The following RAPGEF6 variants were observed in gnomAD, a reference collection of about 807,000 sequenced individuals.
RAPGEF6 encodes the protein PDZ domain containing guanine nucleotide exchange factor (GEF) 2.
A neutral mutation model predicts 171.4 loss-of-function variants in RAPGEF6; 56 were observed. That is an observed-to-expected ratio of 0.33 (90% CI 0.26 to 0.41). The LOEUF (loss-of-function observed/expected upper bound fraction) is 0.41. Among genes scored for constraint, RAPGEF6 ranks in the 10% least tolerant of loss-of-function variants. The pLI, the probability that RAPGEF6 is intolerant of heterozygous loss-of-function variation, is 1.00. For missense variants in RAPGEF6, 1,674 were observed against 1,921.4 expected, an observed-to-expected ratio of 0.87 and a Z score of 2.41; for synonymous variants, 692 against 650.1, an observed-to-expected ratio of 1.06 and a Z score of -0.98.
chr5:131,524,600 G>A (rs1580967868), intron 6 of RAPGEF6, among the ~76,000 whole-genome samples: 2 of 69,250 alleles, frequency 2.9e-5, no homozygotes, highest in African/African-American at 9.7e-5. Context: ...GGAGGGGGGA[G>A]AGAGAGATTG....
chr5:131,532,198 C>T (rs1438855450), intron 6 of RAPGEF6: 1 of 432,890 alleles, frequency 2.3e-6, no homozygotes, highest in African/African-American at 2.1e-5. Flanking sequence ...ACCAGAGCTA[C>T]AGTGATGAGT....
chr5:131,451,590 T>C (rs1040948325), intron 21 of RAPGEF6, among the ~76,000 whole-genome samples: 4 of 151,738 alleles, frequency 2.6e-5, no homozygotes, highest in Non-Finnish European at 5.9e-5. Flanking sequence ...AGACCCTGTC[T>C]CAAAAACAAA....
At chr5:131,481,710 A>C (rs919178671) in intron 15 of RAPGEF6, among the ~76,000 whole-genome samples, 8 of 152,236 alleles carry the variant, frequency 5.3e-5, no homozygotes, top group African/African-American at 1.7e-4. Context: ...ATAAGGTTAA[A>C]TATCTAGAAA....
In RAPGEF6 at chr5:131,573,179, C is replaced by T. The variant is rs921041357; in HGVS notation, c.282-11132G>A. 5.9e-5 allele frequency among the ~76,000 whole-genome samples: 9 copies of T among 152,188 alleles called. No homozygotes were observed. The South Asian group carries it at 6.2e-4, about 11-fold the overall frequency. On this transcript the variant is annotated intron_variant, in intron 4 of 27. Coordinates refer to ENST00000509018, the MANE Select transcript of RAPGEF6 (RefSeq NM_016340.6). ...CAGGCTGAATCAGGTCCCAATTCTT[C>T]GGCAGCCTCTGCTCCCCCACTCTAT...
At chr5:131,519,098 T>C (rs1758298914) in intron 7 of RAPGEF6, among the ~76,000 whole-genome samples, 1 of 152,174 alleles carries the variant, frequency 6.6e-6, no homozygotes. Flanking sequence ...TACATATTGA[T>C]ATAGGCTATG....
Position 131,436,452 on chromosome 5 carries a change from T to C in RAPGEF6, c.3746-2794A>G, listed in dbSNP as rs574082712. 17 of 1,311,684 alleles carry C rather than the reference T, an allele frequency of 1.3e-5. No homozygotes were observed. In the South Asian group the frequency reaches 2.2e-4, roughly 17 times the overall value. The allele number at this position is 1,311,684 out of a possible 1,614,324, so 81.3% of individuals were successfully genotyped here. A position where few individuals can be genotyped will look rare whatever the true frequency, so the allele number is the denominator to read the frequency against. ...GCCTTGTTTACATAATATTTCACTATTTAAAAATTCTAACATCTTGATAAT... is the reference window on the plus strand; with the variant it reads ...GCCTTGTTTACATAATATTTCACTACTTAAAAATTCTAACATCTTGATAAT... On this transcript the variant is annotated intron_variant, in intron 24 of 27. Transcript: ENST00000509018.
At chr5:131,462,150 T>C (rs1467929067) in intron 18 of RAPGEF6, 62 bp from the exon 19 acceptor site, 3 of 1,227,436 alleles carry the variant, frequency 2.4e-6, no homozygotes, top group Non-Finnish European at 3.2e-6. Context: ...AGAGCACTTT[T>C]CCTTTTTGTC....
At chr5:131,528,137 T>C (rs557012816) in intron 6 of RAPGEF6, among the ~76,000 whole-genome samples, 2 of 53,086 alleles carry the variant, frequency 3.8e-5, no homozygotes, top group Non-Finnish European at 7.9e-5. Flanking sequence ...TATTATATAA[T>C]ATATACTATA....
chr5:131,529,876 C>CA (rs1485026228), intron 6 of RAPGEF6, among the ~76,000 whole-genome samples: 1 of 149,344 alleles, frequency 6.7e-6, no homozygotes, highest in Non-Finnish European at 1.5e-5. Context: ...CCAGCCTGGG[C>CA]AACAGAGCAG....
intron 24 of RAPGEF6, among the ~76,000 whole-genome samples, chr5:131,439,296 A>G (rs892913889): frequency 1.4e-4 from 21 of 152,206 alleles, no homozygotes; most frequent in Non-Finnish European, 2.6e-4. Flanking sequence ...GAATGATAAC[A>G]CCAAGAATTT....
In RAPGEF6 at chr5:131,594,689, G is replaced by A. The variant is rs375026305; in HGVS notation, c.198-2223C>T. Among the ~76,000 whole-genome samples the A allele has an allele frequency of 1.3e-4, 20 of 152,258 alleles. 1 individual carries two copies. The highest frequency in any genetic ancestry group is 9.6e-4 in the East Asian group (5 of 5,204). On this transcript the variant is annotated intron_variant, in intron 3 of 27. Coordinates refer to ENST00000509018, the MANE Select transcript of RAPGEF6 (RefSeq NM_016340.6). Reference sequence around the variant, plus strand: ...GGCTGTACCCTGCAGAGCCACAGGGGCAGAGCTGCTCAAGGCCTTGGGAGC... The same window carrying A: ...GGCTGTACCCTGCAGAGCCACAGGGACAGAGCTGCTCAAGGCCTTGGGAGC...
intron 4 of RAPGEF6, among the ~76,000 whole-genome samples, chr5:131,591,154 G>A (rs1441924090): frequency 6.6e-6 from 1 of 152,098 alleles, no homozygotes; most frequent in Non-Finnish European, 1.5e-5. Flanking sequence ...CCCATATCCT[G>A]ATATTTATGT....
intron 8 of RAPGEF6, 98 bp from the exon 9 acceptor site, chr5:131,508,305 T>C: frequency 8.3e-7 from 1 of 1,208,696 alleles, no homozygotes; most frequent in Non-Finnish European, 1.1e-6. Flanking sequence ...CACAATCAAC[T>C]TATAAATTTA....
At chr5:131,563,370 T>C (rs1761727131) in intron 4 of RAPGEF6, among the ~76,000 whole-genome samples, 2 of 152,224 alleles carry the variant, frequency 1.3e-5, no homozygotes, top group South Asian at 2.1e-4. Flanking sequence ...AACATAGCTA[T>C]ACTTTTATGG....
intron 1 of RAPGEF6, among the ~76,000 whole-genome samples, chr5:131,615,097 C>T (rs909232554): frequency 6.6e-6 from 1 of 152,198 alleles, no homozygotes; most frequent in Non-Finnish European, 1.5e-5. Flanking sequence ...TTCTTCTGCA[C>T]ACTAAAGTTT....
At chr5:131,504,073 G>A (rs1158484681) in intron 11 of RAPGEF6, among the ~76,000 whole-genome samples, 1 of 152,110 alleles carries the variant, frequency 6.6e-6, no homozygotes, top group Non-Finnish European at 1.5e-5. Context: ...TATTAAGTTT[G>A]AAAAGGAAAA....
At chr5:131,582,694 C>G (rs1339911176) in intron 4 of RAPGEF6, among the ~76,000 whole-genome samples, 1 of 152,094 alleles carries the variant, frequency 6.6e-6, no homozygotes, top group Non-Finnish European at 1.5e-5. Context: ...AATTATATCC[C>G]TGTTAAAGGA....
At chr5:131,618,573 G>A (rs1249749024) in intron 1 of RAPGEF6, among the ~76,000 whole-genome samples, 2 of 152,062 alleles carry the variant, frequency 1.3e-5, no homozygotes, top group Admixed American at 6.5e-5. Context: ...GGGAGGCAGA[G>A]GCTGCAGTGA....
At chr5:131,594,826 T>C (rs1436083329) in intron 3 of RAPGEF6, among the ~76,000 whole-genome samples, 1 of 152,224 alleles carries the variant, frequency 6.6e-6, no homozygotes, top group African/African-American at 2.4e-5. Flanking sequence ...GCATGGGACC[T>C]GTAGCCCCTT....
Sources: gnomAD v4.1 joint callset for allele counts (sites outside exome capture counted in the v4.1 genomes callset) on GRCh38, gnomAD v4.1.1 for gene constraint, MANE v1.5 for transcripts, NCBI Gene and HGNC (gene_info 2026-07-23, HGNC 2026-07-21) for gene names.